The following TBC1D22A variants were observed in gnomAD, a reference collection of about 807,000 sequenced individuals.
TBC1D22A encodes the protein putative GTPase activator.
TBC1D22A carries 38 observed loss-of-function variants against 60.2 expected under a neutral mutation model. The observed-to-expected ratio is 0.63, with a 90% CI of 0.49 to 0.83. TBC1D22A has a LOEUF of 0.83. Ranked by LOEUF, TBC1D22A falls within the 40% of genes least tolerant of loss-of-function variation. The probability of loss-of-function intolerance (pLI) is 0.00; values close to 1 mark genes in which losing one functional copy is unlikely to be tolerated. For synonymous variants in TBC1D22A, 302 were observed against 281.7 expected (o/e 1.07, Z -0.72); for missense variants, 628 against 701.0 (o/e 0.90, Z 1.18).
chr22:46,991,674 G>A (rs1370628373), intron 9 of TBC1D22A, among the ~76,000 whole-genome samples: 3 of 152,124 alleles, frequency 2.0e-5, no homozygotes, highest in East Asian at 1.9e-4. Context: ...TCATCTTTCC[G>A]TGGTGCAAAT....
chr22:46,862,192 C>T (rs1387224404), intron 4 of TBC1D22A, among the ~76,000 whole-genome samples: 1 of 152,104 alleles, frequency 6.6e-6, no homozygotes, highest in Non-Finnish European at 1.5e-5. Flanking sequence ...TGGAACCTGG[C>T]GCACAGTAGG....
intron 12 of TBC1D22A, among the ~76,000 whole-genome samples, chr22:47,119,498 A>ATTT (rs112201242): frequency 8.4e-5 from 12 of 142,464 alleles, no homozygotes; most frequent in African/African-American, 2.8e-4. Context: ...AGACTGGGTA[A>ATTT]TTTTTTTTTT....
intron 10 of TBC1D22A, among the ~76,000 whole-genome samples, chr22:46,999,463 A>G (rs898178058): frequency 6.6e-6 from 1 of 152,152 alleles, no homozygotes; most frequent in African/African-American, 2.4e-5. Flanking sequence ...AATTTCTATC[A>G]TGGCCTCATA....
At chr22:46,790,383 C>T (rs1001316322) in intron 1 of TBC1D22A, among the ~76,000 whole-genome samples, 24 of 152,240 alleles carry the variant, frequency 1.6e-4, no homozygotes, top group Non-Finnish European at 3.5e-4. Flanking sequence ...GATGGTCTCC[C>T]ACCTCATTCG....
chr22:46,825,384 C>G (rs1000801091), intron 4 of TBC1D22A, among the ~76,000 whole-genome samples: 2 of 152,154 alleles, frequency 1.3e-5, no homozygotes, highest in Non-Finnish European at 2.9e-5. Flanking sequence ...TGGAATCTGC[C>G]CGTCTCCCTT....
At chr22:47,164,204 G>T (rs916975451) in intron 12 of TBC1D22A, among the ~76,000 whole-genome samples, 2 of 152,192 alleles carry the variant, frequency 1.3e-5, no homozygotes, top group African/African-American at 2.4e-5. Context: ...GCCCCTCCCC[G>T]CAGGCCGTTC....
intron 10 of TBC1D22A, among the ~76,000 whole-genome samples, chr22:47,034,200 G>A (rs990173115): frequency 2.0e-5 from 3 of 152,196 alleles, no homozygotes; most frequent in Non-Finnish European, 4.4e-5. Context: ...ACACGCTGGC[G>A]CTGCCTCTGG....
intron 12 of TBC1D22A, among the ~76,000 whole-genome samples, chr22:47,138,648 A>T (rs561703701): frequency 4.4e-4 from 67 of 152,304 alleles, no homozygotes; most frequent in African/African-American, 1.5e-3. Flanking sequence ...TTTGCAATTG[A>T]CAAGCATCTT....
At chr22:46,895,518 C>T (rs1190166323) in intron 7 of TBC1D22A, among the ~76,000 whole-genome samples, 1 of 152,104 alleles carries the variant, frequency 6.6e-6, no homozygotes, top group East Asian at 1.9e-4. Context: ...ATTACAGGCA[C>T]CCACCACCAC....
chr22:46,858,494 G>A (rs1393484106), intron 4 of TBC1D22A, among the ~76,000 whole-genome samples: 16 of 152,072 alleles, frequency 1.1e-4, no homozygotes, highest in Non-Finnish European at 2.2e-4. Flanking sequence ...TGTATCTCAC[G>A]GATGACCAAG....
chr22:47,068,552 C>T (rs1306581331), intron 11 of TBC1D22A, among the ~76,000 whole-genome samples: 1 of 152,184 alleles, frequency 6.6e-6, no homozygotes, highest in Non-Finnish European at 1.5e-5. Context: ...ATCATCTCAT[C>T]AAGTGGAATA....
At chr22:46,783,423 G>A (rs801616) in intron 1 of TBC1D22A, among the ~76,000 whole-genome samples, 87,600 of 151,948 alleles carry the variant, frequency 0.58, 25,350 homozygotes, top group Middle Eastern at 0.66. Flanking sequence ...ACATTCAGAA[G>A]GGGCACACAG....
At chr22:46,780,241 A>G (rs983402560) in intron 1 of TBC1D22A, among the ~76,000 whole-genome samples, 8 of 152,218 alleles carry the variant, frequency 5.3e-5, no homozygotes, top group Non-Finnish European at 1.2e-4. Context: ...TAGCCATCAA[A>G]TGAATTTGAC....
At chr22:46,954,099 C>T (rs1283743944) in intron 8 of TBC1D22A, among the ~76,000 whole-genome samples, 3 of 152,156 alleles carry the variant, frequency 2.0e-5, no homozygotes, top group African/African-American at 4.8e-5. Context: ...AATGCTGTTA[C>T]CACAGTAGCA....
At chr22:46,817,374 C>T (rs566121520) in intron 4 of TBC1D22A, among the ~76,000 whole-genome samples, 84 of 152,106 alleles carry the variant, frequency 5.5e-4, no homozygotes, top group African/African-American at 2.0e-3. Flanking sequence ...ATTGACCTGT[C>T]ACCTGTTGAC....
At chr22:47,109,839 C>T (rs2065782105) in intron 11 of TBC1D22A, among the ~76,000 whole-genome samples, 1 of 152,040 alleles carries the variant, frequency 6.6e-6, no homozygotes, top group African/African-American at 2.4e-5. Context: ...CACAAGCTTG[C>T]CTGCTCCGTC....
At chr22:46,798,326 T>C (rs914971283) in intron 4 of TBC1D22A, among the ~76,000 whole-genome samples, 1 of 152,202 alleles carries the variant, frequency 6.6e-6, no homozygotes, top group East Asian at 1.9e-4. Flanking sequence ...ATCAACTCAA[T>C]CTGCTGGTTT....
At chr22:46,912,021 A>T in intron 7 of TBC1D22A, 53 bp from the exon 8 acceptor site, 2 of 1,227,782 alleles carry the variant, frequency 1.6e-6, no homozygotes, top group Non-Finnish European at 2.4e-6. Flanking sequence ...TTTCATTTTA[A>T]AGTTTCTGCC....
At chr22:46,836,686 G>A (rs2086536904) in intron 4 of TBC1D22A, among the ~76,000 whole-genome samples, 1 of 151,944 alleles carries the variant, frequency 6.6e-6, no homozygotes. Context: ...GACAAAGAGT[G>A]ACTGAATAGA....
Sources: gnomAD v4.1 joint callset for allele counts (sites outside exome capture counted in the v4.1 genomes callset) on GRCh38, gnomAD v4.1.1 for gene constraint, MANE v1.5 for transcripts, NCBI Gene and HGNC (gene_info 2026-07-23, HGNC 2026-07-21) for gene names.